DDHD1: variants seen among roughly 807,000 people sequenced by gnomAD.
DDHD1 encodes DDHD domain containing 1.
In DDHD1, 49 loss-of-function variants were observed where a neutral mutation model predicts 96.4. That is an observed-to-expected ratio of 0.51 (90% CI 0.40 to 0.64). The LOEUF is 0.64. Among genes scored for constraint, DDHD1 ranks in the 30% least tolerant of loss-of-function variants. The probability of loss-of-function intolerance (pLI) is 0.00; values close to 1 mark genes in which losing one functional copy is unlikely to be tolerated. For synonymous variants in DDHD1, 442 were observed against 446.5 expected (o/e 0.99, Z 0.13); for missense variants, 1,106 against 1,161.2 (o/e 0.95, Z 0.69).
intron 4 of DDHD1, among the ~76,000 whole-genome samples, chr14:53,074,672 C>G (rs1479997665): frequency 6.6e-5 from 10 of 152,018 alleles, no homozygotes. Context: ...AATCCATGCA[C>G]TGCAATTGGA....
Position 53,051,859 on chromosome 14 carries a change from T to C in DDHD1, c.2506A>G (p.Lys836Glu). 6.3e-7 allele frequency: 1 copy of C among 1,598,074 alleles called. No individual in the cohort carries two copies. Among genetic ancestry groups the C allele is most frequent in the Non-Finnish European group, 8.5e-7 (1 of 1,171,234 alleles). The change falls in exon 12 of 13, where the codon AAA (lysine) becomes GAA (glutamate). Residue 836 changes from lysine (K) to glutamate (E), a missense_variant. Physicochemically the swap from Lys to Glu is moderately conservative, Grantham distance 56 (BLOSUM62 1). Around this residue, in one of 2 missense-constraint regions of DDHD1, gnomAD observed 650 missense variants for 758.8 expected, o/e 0.86. Transcript: ENST00000673822. ...LLFPENVMQN[K>E]DNALVELDHR... ...TATACCATACCGAGGGCATTATCTT[T>C]ATTCTGCATTACATTTTCCGGAAAA...
Position 53,054,567 on chromosome 14 carries a change from T to C in DDHD1, c.2308A>G (p.Thr770Ala). The C allele has an allele frequency of 6.2e-7, 1 of 1,614,128 alleles. No individual in the cohort carries two copies. Among genetic ancestry groups the C allele is most frequent in the Non-Finnish European group, 8.5e-7 (1 of 1,179,976 alleles). The stretch of plus-strand genomic sequence containing the variant: ...TTTGATGTTTCAGATGACTGTGTTG[T>C]AGATGAACGTCCAAATCTTGAGAAC... ...MLFSRFGRSSTTQSSETSKDS... is the reference protein window; with the variant it reads ...MLFSRFGRSSATQSSETSKDS... The change falls in exon 11 of 13, where the codon ACA (threonine) becomes GCA (alanine). Residue 770 changes from threonine to alanine, a missense_variant. Around this residue, in one of 2 missense-constraint regions of DDHD1, gnomAD observed 650 missense variants for 758.8 expected, o/e 0.86. Coordinates refer to ENST00000673822, the MANE Select transcript of DDHD1 (RefSeq NM_001160148.2).
At chr14:53,116,481 A>G (rs1888551879) in intron 1 of DDHD1, among the ~76,000 whole-genome samples, 1 of 152,094 alleles carries the variant, frequency 6.6e-6, no homozygotes, top group African/African-American at 2.4e-5. Flanking sequence ...AAGTAAAACA[A>G]TCCTCAACAA....
intron 1 of DDHD1, among the ~76,000 whole-genome samples, chr14:53,150,542 A>G (rs1341962980): frequency 1.3e-5 from 2 of 152,226 alleles, no homozygotes; most frequent in South Asian, 2.1e-4. Context: ...AATTTTATCA[A>G]AAACCAAGAG....
intron 1 of DDHD1, among the ~76,000 whole-genome samples, chr14:53,119,643 T>C (rs1312274271): frequency 1.3e-5 from 2 of 152,198 alleles, no homozygotes; most frequent in Admixed American, 6.5e-5. Flanking sequence ...GCAAGTCTGG[T>C]TCAACACATG....
At chr14:53,049,773 TGAAGA>T (rs909953826) in intron 12 of DDHD1, among the ~76,000 whole-genome samples, 1 of 152,018 alleles carries the variant, frequency 6.6e-6, no homozygotes, top group Admixed American at 6.6e-5. Context: ...TCTGAACAGT[TGAAGA>T]GAAGTAAAAA....
intron 12 of DDHD1, among the ~76,000 whole-genome samples, chr14:53,047,164 A>G (rs572161880): frequency 6.6e-6 from 1 of 152,136 alleles, no homozygotes; most frequent in East Asian, 1.9e-4. Flanking sequence ...TTTGTATGCT[A>G]AAGTTAATAT....
At chr14:53,149,530 G>C (rs2139920558) in intron 1 of DDHD1, among the ~76,000 whole-genome samples, 1 of 152,270 alleles carries the variant, frequency 6.6e-6, no homozygotes, top group East Asian at 1.9e-4. Flanking sequence ...AGAGACTTAA[G>C]AAACCAATTA....
Position 53,072,596 on chromosome 14 carries a change from C to A in DDHD1, c.1503+1G>T. ...ACCAGCAAGATAATCATGACACTTA[C>A]TTCATCTCTATAAAGTGGACTAGTA... On this transcript the variant is annotated splice_donor_variant, in intron 6 of 12. Coordinates refer to ENST00000673822, the MANE Select transcript of DDHD1 (RefSeq NM_001160148.2). LOFTEE classifies it high-confidence loss of function. The A allele has an allele frequency of 2.0e-6, 3 of 1,485,462 alleles. No individual in the cohort carries two copies. Among genetic ancestry groups the A allele is most frequent in the Admixed American group, 1.9e-5 (1 of 53,452 alleles). 92.0% of individuals were successfully genotyped at this position (1,485,462 alleles called of 1,614,324 possible).
rs1891603587 is a variant in DDHD1 at position 53,153,224 on chromosome 14, T to TGCGGCGGCA, written c.-135_-127dup. ...TAATCTTTCAAATCCCGACCCGAGC[T>TGCGGCGGCA]GCGGCGGCAGCGGCGACCGCTCCGC... On this transcript the variant is annotated 5_prime_UTR_variant, in exon 1 of 13. Transcript: ENST00000673822. 1 of 888,712 alleles carries TGCGGCGGCA rather than the reference T, an allele frequency of 1.1e-6. No individual in the cohort carries two copies. Among genetic ancestry groups the TGCGGCGGCA allele is most frequent in the South Asian group, 3.0e-5 (1 of 33,096 alleles). 55.1% of individuals were successfully genotyped at this position (888,712 alleles called of 1,614,324 possible).
intron 4 of DDHD1, among the ~76,000 whole-genome samples, chr14:53,085,832 T>C (rs1274764966): frequency 6.6e-6 from 1 of 152,070 alleles, no homozygotes; most frequent in Non-Finnish European, 1.5e-5. Context: ...CTTCAGAAGG[T>C]TGGTAATAAC....
intron 4 of DDHD1, among the ~76,000 whole-genome samples, chr14:53,077,208 A>T (rs139008198): frequency 3.9e-5 from 6 of 152,176 alleles, no homozygotes; most frequent in African/African-American, 1.2e-4. Flanking sequence ...ACTACTCCAT[A>T]TGTACATAGG....
At chr14:53,098,936 C>T (rs1191597280) in intron 2 of DDHD1, among the ~76,000 whole-genome samples, 2 of 151,790 alleles carry the variant, frequency 1.3e-5, no homozygotes, top group African/African-American at 2.4e-5. Flanking sequence ...GTCACTTTGC[C>T]TTTTAACTGG....
intron 1 of DDHD1, among the ~76,000 whole-genome samples, chr14:53,109,588 T>A (rs1181687799): frequency 6.6e-6 from 1 of 152,150 alleles, no homozygotes; most frequent in Non-Finnish European, 1.5e-5. Flanking sequence ...TATATATATG[T>A]GTGTGTGCAT....
intron 1 of DDHD1, among the ~76,000 whole-genome samples, chr14:53,124,813 A>T (rs1453116388): frequency 1.3e-5 from 2 of 152,246 alleles, no homozygotes; most frequent in African/African-American, 4.8e-5. Context: ...AATACTAAAG[A>T]TTGAGCGGCT....
chr14:53,113,781 T>A (rs1888326820), intron 1 of DDHD1, among the ~76,000 whole-genome samples: 1 of 152,182 alleles, frequency 6.6e-6, no homozygotes, highest in South Asian at 2.1e-4. Flanking sequence ...ACCCTGGGCT[T>A]CAAGCACATA....
chr14:53,123,746 G>A (rs1889199000), intron 1 of DDHD1, among the ~76,000 whole-genome samples: 1 of 152,134 alleles, frequency 6.6e-6, no homozygotes, highest in African/African-American at 2.4e-5. Flanking sequence ...CAGAAATTTG[G>A]AATGGTGGTT....
In DDHD1 at chr14:53,153,073, G is replaced by A. The variant is rs1257301534; in HGVS notation, c.26C>T (p.Pro9Leu). 12 of 1,453,906 alleles carry A rather than the reference G, an allele frequency of 8.3e-6. No homozygotes were observed. Among genetic ancestry groups the A allele is most frequent in the South Asian group, 1.4e-5 (1 of 71,398 alleles). The allele number at this position is 1,453,906 out of a possible 1,614,324, so 90.1% of individuals were successfully genotyped here. The change falls in exon 1 of 13, where the codon CCA becomes CTA. Residue 9 changes from proline (P) to leucine (L), a missense_variant. By Grantham distance (98) the Pro-to-Leu change is moderately conservative (BLOSUM62 -3). This residue lies in a region of DDHD1 where 456 missense variants were observed against 402.4 expected (regional missense o/e 1.13). Coordinates refer to ENST00000673822, the MANE Select transcript of DDHD1 (RefSeq NM_001160148.2). MNYPGRGS[P>L]RSPEHNGRGG... is the part of the protein sequence containing the mutation. The stretch of plus-strand genomic sequence containing the variant: ...TCGGCCGTTATGCTCGGGGCTCCGT[G>A]GGGACCCGCGGCCCGGGTAATTCAT...
intron 1 of DDHD1, among the ~76,000 whole-genome samples, chr14:53,148,791 A>C (rs563427643): frequency 3.0e-4 from 45 of 152,346 alleles, no homozygotes; most frequent in Middle Eastern, 3.4e-3. Flanking sequence ...ACAACTGTGC[A>C]CTGGTTAACC....
Sources: allele counts gnomAD v4.1 joint callset (sites outside exome capture counted in the v4.1 genomes callset), GRCh38; gene constraint gnomAD v4.1.1; regional missense constraint gnomAD v4.1.1; transcripts MANE v1.5; gene names NCBI Gene and HGNC (gene_info 2026-07-23, HGNC 2026-07-21).